Variants in TUBGCP2 observed in about 807,000 individuals in gnomAD.
The protein encoded by TUBGCP2 is tubulin gamma complex component 2, also known as gamma-tubulin complex component 2.
A neutral mutation model predicts 92.2 loss-of-function variants in TUBGCP2; 55 were observed. The ratio of observed to expected loss-of-function variants is 0.60; its 90% CI spans 0.48 to 0.75. TUBGCP2 has a LOEUF of 0.75. TUBGCP2 is among the 30% of genes least tolerant of loss of function. TUBGCP2 has a pLI of 0.00. For synonymous variants in TUBGCP2, 533 were observed against 505.2 expected (o/e 1.06, Z -0.74); for missense variants, 1,093 against 1,188.9 (o/e 0.92, Z 1.19).
chr10:133,289,161 C>T (rs1285051469), intron 9 of TUBGCP2, 141 bp from the exon 10 acceptor site: 13 of 972,640 alleles, frequency 1.3e-5, no homozygotes, highest in Non-Finnish European at 1.9e-5. Flanking sequence ...CTGTCTTTGT[C>T]TACACAGAAG....
chr10:133,282,432 C>T, intron 15 of TUBGCP2, 90 bp from the exon 16 acceptor site: 1 of 1,477,228 alleles, frequency 6.8e-7, no homozygotes, highest in Non-Finnish European at 9.0e-7. Context: ...ACGTCACCCT[C>T]CGCACCTCTG....
At chr10:133,290,640 T>C (rs1384576169) in intron 8 of TUBGCP2, 2 of 152,354 alleles carry the variant, frequency 1.3e-5, no homozygotes, top group East Asian at 3.9e-4. Flanking sequence ...CCACCTCTTT[T>C]TGGAATTTAG....
chr10:133,311,885 T>A (rs1430320721), upstream of TUBGCP2: 1 of 1,613,156 alleles, frequency 6.2e-7, no homozygotes, highest in Non-Finnish European at 8.5e-7. Flanking sequence ...CAACATGTGT[T>A]CGGTGCTGAG....
intron 11 of TUBGCP2, among the ~76,000 whole-genome samples, chr10:133,286,875 G>A (rs892433884): frequency 2.0e-5 from 3 of 152,168 alleles, no homozygotes; most frequent in Non-Finnish European, 2.9e-5. Context: ...GGCTGCACTC[G>A]GAGGGATGTT....
chr10:133,299,223 T>TAA (rs900203795), intron 4 of TUBGCP2, among the ~76,000 whole-genome samples: 1 of 148,750 alleles, frequency 6.7e-6, no homozygotes, highest in Non-Finnish European at 1.5e-5. Context: ...AATTCTTGGT[T>TAA]AAAAAAAAAA....
chr10:133,309,672 A>G, upstream of TUBGCP2: 1 of 1,395,548 alleles, frequency 7.2e-7, no homozygotes, highest in Non-Finnish European at 1.0e-6. Flanking sequence ...ATTGCAAAAG[A>G]TGCATAGGGG....
intron 14 of TUBGCP2, 21 bp from the exon 15 acceptor site, chr10:133,283,242 C>T (rs1847035938): frequency 1.2e-6 from 2 of 1,613,496 alleles, no homozygotes; most frequent in Non-Finnish European, 1.7e-6. Context: ...CAGGCCAAGC[C>T]CCTTCTCAGA....
At position 133,282,243 on chromosome 10, in the gene TUBGCP2, G is replaced by T; in HGVS notation, c.2389C>A (p.Arg797=). The T allele has an allele frequency of 6.2e-7, 1 of 1,611,622 alleles. No homozygotes were observed. Among genetic ancestry groups the T allele is most frequent in the South Asian group, 1.1e-5 (1 of 90,838 alleles). Residue 797 remains arginine, a synonymous_variant, in exon 16 of 18, where the codon CGG becomes AGG. Coordinates refer to ENST00000252936, the MANE Select transcript of TUBGCP2 (RefSeq NM_006659.4). ...GLPAGAEERA[R]KELARKHLAE... is the part of the protein sequence containing the mutation. ...CGCACCTTCCTGGCGAGCTCCTTCC[G>T]GGCCCGCTCCTCGGCCCCTGCGGGC...
chr10:133,284,039 A>G lies in TUBGCP2; in HGVS notation c.2025-37T>C, dbSNP rs1450945028. 7.5e-6 allele frequency: 12 copies of G among 1,605,430 alleles called. No homozygotes were observed. The Admixed American group carries it at 2.0e-4, about 27-fold the overall frequency. Reference sequence around the variant, plus strand: ...GGAGGACGGAGGACAGCCATGGAGGACGCGGCCCCGACAGCGCCCACCAAG... The same window carrying G: ...GGAGGACGGAGGACAGCCATGGAGGGCGCGGCCCCGACAGCGCCCACCAAG... On this transcript the variant is annotated intron_variant, in intron 13 of 17. Transcript: ENST00000252936.
chr10:133,296,157 C>A (rs141010761), intron 5 of TUBGCP2, among the ~76,000 whole-genome samples: 187 of 152,352 alleles, frequency 1.2e-3, no homozygotes, highest in African/African-American at 4.4e-3. Flanking sequence ...GAGCTGCCCA[C>A]GGCGCCGCAG....
rs777413399 is a variant in TUBGCP2, at chr10:133,285,496, C to T, written c.1855G>A (p.Asp619Asn). Residue 619 changes from aspartate (D) to asparagine (N), a missense_variant, in exon 12 of 18, where the codon GAC (aspartate) becomes AAC (asparagine). Asp to Asn is a conservative substitution (Grantham distance 23). Coordinates refer to ENST00000252936, the MANE Select transcript of TUBGCP2 (RefSeq NM_006659.4). This position sits in a 1 kb window ranked among gnomAD's most constrained non-coding sequence, Gnocchi z 6.8. Reference sequence around the variant, plus strand: ...GAAAGGGGCCACTTGACGATGTAGTCGAAAGAGAAGGCCTCCAGGCCGCTC... The same window carrying T: ...GAAAGGGGCCACTTGACGATGTAGTTGAAAGAGAAGGCCTCCAGGCCGCTC... Reference protein sequence around the residue: ...ALSGLEAFSFDYIVKWPLSLI... With the variant: ...ALSGLEAFSFNYIVKWPLSLI... 5.0e-6 allele frequency: 8 copies of T among 1,611,750 alleles called. 1 individual carries two copies. Among genetic ancestry groups the T allele is most frequent in the African/African-American group, 4.0e-5 (3 of 74,892 alleles).
intron 11 of TUBGCP2, among the ~76,000 whole-genome samples, chr10:133,287,063 C>T (rs1277236069): frequency 6.6e-6 from 1 of 152,198 alleles, no homozygotes. Context: ...TTTCTAGCTA[C>T]ATCAGCTAAG....
At chr10:133,294,320 C>T (rs535987400) in intron 5 of TUBGCP2, among the ~76,000 whole-genome samples, 1 of 152,330 alleles carries the variant, frequency 6.6e-6, no homozygotes, top group East Asian at 1.9e-4. Context: ...CAGCCTCAGG[C>T]GGGCCATGCC....
intron 1 of TUBGCP2, among the ~76,000 whole-genome samples, chr10:133,307,079 G>C (rs1341291965): frequency 1.3e-5 from 2 of 152,224 alleles, no homozygotes; most frequent in Non-Finnish European, 2.9e-5. Flanking sequence ...CAACAGAGCT[G>C]TCCCGCCAGA....
upstream of TUBGCP2, chr10:133,309,698 C>A: frequency 6.5e-7 from 1 of 1,550,042 alleles, no homozygotes; most frequent in Non-Finnish European, 8.9e-7. Flanking sequence ...TTGGACGTCT[C>A]AAAGGGAAAC....
At chr10:133,304,577 C>T (rs1847761207) in intron 1 of TUBGCP2, among the ~76,000 whole-genome samples, 1 of 152,160 alleles carries the variant, frequency 6.6e-6, no homozygotes, top group South Asian at 2.1e-4. Context: ...ATGAGCTCAA[C>T]AAAACATCGA....
intron 5 of TUBGCP2, chr10:133,297,519 C>A (rs1847518059): frequency 5.0e-6 from 2 of 396,830 alleles, no homozygotes; most frequent in Admixed American, 3.4e-5. Context: ...ATCTTGTTTA[C>A]ACGAACACTA....
chr10:133,299,954 G>T (rs1383286627), intron 3 of TUBGCP2, 31 bp downstream of exon 3: 1 of 1,611,370 alleles, frequency 6.2e-7, no homozygotes, highest in East Asian at 2.2e-5. Flanking sequence ...GGCCGTACGG[G>T]CGCAGTGTGG....
rs1311203122 is a variant in TUBGCP2, at chr10:133,281,838, G to A, written c.2409+385C>T. Among the ~76,000 whole-genome samples the A allele has an allele frequency of 3.3e-5, 5 of 152,236 alleles. No homozygotes were observed. In the East Asian group the frequency reaches 5.8e-4, roughly 18 times the overall value. On this transcript the variant is annotated intron_variant, in intron 16 of 17. Transcript: ENST00000252936. ...ACTGCCCACCCCACCATGCCACCCC[G>A]GAGCCGGCGCCGCAGGGCCATGCCT...
Sources: allele counts gnomAD v4.1 joint callset (sites outside exome capture counted in the v4.1 genomes callset), GRCh38; gene constraint gnomAD v4.1.1; non-coding constraint Gnocchi (gnomAD v3.1); transcripts MANE v1.5; gene names NCBI Gene and HGNC (gene_info 2026-07-23, HGNC 2026-07-21).